The following AGAP1 variants were observed in gnomAD, a reference collection of about 807,000 sequenced individuals.
The protein encoded by AGAP1 is ArfGAP with GTPase domain, ankyrin repeat and PH domain 1.
AGAP1 carries 29 observed loss-of-function variants against 105.3 expected under a neutral mutation model. That is an observed-to-expected ratio of 0.28 (90% CI 0.21 to 0.38). The LOEUF (loss-of-function observed/expected upper bound fraction) is 0.38, where lower values mean the gene tolerates loss of function less well. Ranked by LOEUF, AGAP1 falls within the 10% of genes least tolerant of loss-of-function variation. The probability of loss-of-function intolerance (pLI) is 1.00; values close to 1 mark genes in which losing one functional copy is unlikely to be tolerated. For missense variants in AGAP1, 998 were observed against 1,165.1 expected, an observed-to-expected ratio of 0.86 and a Z score of 2.09; for synonymous variants, 509 against 485.9, an observed-to-expected ratio of 1.05 and a Z score of -0.63.
At chr2:235,907,618 A>G (rs2051369371) in intron 10 of AGAP1, among the ~76,000 whole-genome samples, 1 of 152,202 alleles carries the variant, frequency 6.6e-6, no homozygotes, top group East Asian at 1.9e-4. Flanking sequence ...TTTTTCCAAG[A>G]GTAATTTTCA....
chr2:235,860,186 G>C (rs2048869586), intron 9 of AGAP1, among the ~76,000 whole-genome samples: 1 of 152,154 alleles, frequency 6.6e-6, no homozygotes, highest in Non-Finnish European at 1.5e-5. Context: ...ACAAAGGAAA[G>C]GGCATACCAG....
intron 9 of AGAP1, among the ~76,000 whole-genome samples, chr2:235,809,398 C>G (rs1396571156): frequency 6.6e-6 from 1 of 152,100 alleles, no homozygotes; most frequent in African/African-American, 2.4e-5. Context: ...AGCTCCTTGT[C>G]CCTCCTAATT....
At position 236,001,680 on chromosome 2, in the gene AGAP1, G is replaced by T; in HGVS notation, c.1645+33057G>T. 6.6e-6 allele frequency among the ~76,000 whole-genome samples: 1 copy of T among 152,136 alleles called. No individual in the cohort carries two copies. Among genetic ancestry groups the T allele is most frequent in the East Asian group, 1.9e-4 (1 of 5,172 alleles). On this transcript the variant is annotated intron_variant, in intron 13 of 17. Coordinates refer to ENST00000304032, the MANE Select transcript of AGAP1 (RefSeq NM_001037131.3). This position sits in a 1 kb window ranked among gnomAD's most constrained non-coding sequence, Gnocchi z 4.7. ...TAGAACGTCACATCCTGGAGGGGCG[G>T]GGATTTCCCCTTTTGTTTTGTTTCT...
chr2:235,778,289 T>C (rs575243948), intron 6 of AGAP1, among the ~76,000 whole-genome samples: 1 of 152,230 alleles, frequency 6.6e-6, no homozygotes, highest in Non-Finnish European at 1.5e-5. Flanking sequence ...GGTTTCCTTC[T>C]GCACTTTCCA....
Position 236,046,515 on chromosome 2 carries a change from CT to C in AGAP1, c.1892-2543del, listed in dbSNP as rs2057722126. ...ATGATGGAAGAATTAAGGTGGACCC[CT>C]GGGGTCCCAGCTTGAATAGCTGGGA... On this transcript the variant is annotated intron_variant, in intron 15 of 17. Transcript: ENST00000304032. The surrounding 1 kb of genome is among the most constrained non-coding windows in gnomAD (Gnocchi z 5.2). Among the ~76,000 whole-genome samples, 1 of 152,122 alleles carries C rather than the reference CT, an allele frequency of 6.6e-6. No homozygotes were observed. Among genetic ancestry groups the C allele is most frequent in the Admixed American group, 6.5e-5 (1 of 15,276 alleles).
At chr2:235,848,942 T>A (rs1961836423) in intron 9 of AGAP1, among the ~76,000 whole-genome samples, 1 of 152,208 alleles carries the variant, frequency 6.6e-6, no homozygotes, top group African/African-American at 2.4e-5. Flanking sequence ...AAGACTGATT[T>A]CCCTGTCCGT....
At chr2:235,839,903 C>CT (rs1491580536) in intron 9 of AGAP1, among the ~76,000 whole-genome samples, 2 of 152,114 alleles carry the variant, frequency 1.3e-5, no homozygotes, top group African/African-American at 4.8e-5. Flanking sequence ...GGATGAGAGA[C>CT]TCTTATAAAG....
intron 1 of AGAP1, among the ~76,000 whole-genome samples, chr2:235,604,193 T>C (rs1416941587): frequency 1.3e-5 from 2 of 152,068 alleles, no homozygotes; most frequent in African/African-American, 4.8e-5. Context: ...AATTGGCATA[T>C]ATAAAAAGAA....
rs1450800335 is a variant in AGAP1 at position 235,741,938 on chromosome 2, A to G, written c.396+890A>G. On this transcript the variant is annotated intron_variant, in intron 4 of 17. Coordinates refer to ENST00000304032, the MANE Select transcript of AGAP1 (RefSeq NM_001037131.3). This position sits in a 1 kb window ranked among gnomAD's most constrained non-coding sequence, Gnocchi z 4.9. ...CTGGCTAATTTTTTGTATTTTTAGT[A>G]GAGATGGAGTTTCACCATGTTAGCC... Among the ~76,000 whole-genome samples the G allele has an allele frequency of 5.3e-5, 8 of 151,834 alleles. No individual in the cohort carries two copies. Among genetic ancestry groups the G allele is most frequent in the Non-Finnish European group, 1.2e-4 (8 of 67,980 alleles).
intron 1 of AGAP1, among the ~76,000 whole-genome samples, chr2:235,703,005 G>GCCACCT (rs944219027): frequency 7.1e-6 from 1 of 140,110 alleles, no homozygotes. Flanking sequence ...TCAGCTCACT[G>GCCACCT]CCACCTCCAC....
chr2:235,498,947 G>A (rs940313233), intron 1 of AGAP1, among the ~76,000 whole-genome samples: 3 of 152,176 alleles, frequency 2.0e-5, no homozygotes, highest in Non-Finnish European at 4.4e-5. Context: ...AGTGTTTGGG[G>A]GACCTGGGAA....
At chr2:235,944,160 G>C (rs1056687780) in intron 12 of AGAP1, among the ~76,000 whole-genome samples, 5 of 152,122 alleles carry the variant, frequency 3.3e-5, no homozygotes, top group Admixed American at 2.0e-4. Context: ...GTATATTTCA[G>C]ATCCTCTTAA....
At chr2:235,947,880 T>C (rs13408501) in intron 12 of AGAP1, among the ~76,000 whole-genome samples, 191 of 152,386 alleles carry the variant, frequency 1.3e-3, no homozygotes, top group African/African-American at 4.3e-3. Flanking sequence ...GGTACTATTA[T>C]CCTCATTTTT....
chr2:236,007,514 C>T (rs2056362672), intron 13 of AGAP1, among the ~76,000 whole-genome samples: 1 of 152,194 alleles, frequency 6.6e-6, no homozygotes, highest in Non-Finnish European at 1.5e-5. Flanking sequence ...GCACAAGCAG[C>T]AGTCATTACA....
At chr2:235,945,931 T>G (rs1575847620) in intron 12 of AGAP1, among the ~76,000 whole-genome samples, 1 of 151,720 alleles carries the variant, frequency 6.6e-6, no homozygotes, top group East Asian at 1.9e-4. Flanking sequence ...TGCCGCACAC[T>G]TTTAAGTGAC....
At chr2:236,102,712 A>G (rs1240360981) in intron 16 of AGAP1, among the ~76,000 whole-genome samples, 6 of 152,066 alleles carry the variant, frequency 3.9e-5, no homozygotes, top group Non-Finnish European at 8.8e-5. Context: ...GGGCTCAGAG[A>G]CACAATGAGA....
At chr2:235,818,142 A>G (rs1958568806) in intron 9 of AGAP1, among the ~76,000 whole-genome samples, 1 of 152,184 alleles carries the variant, frequency 6.6e-6, no homozygotes, top group East Asian at 1.9e-4. Flanking sequence ...ATCGTGTGAG[A>G]CTTGTAATAA....
At chr2:236,064,332 G>A (rs916073607) in intron 16 of AGAP1, among the ~76,000 whole-genome samples, 2 of 152,188 alleles carry the variant, frequency 1.3e-5, no homozygotes, top group African/African-American at 2.4e-5. Context: ...GCTCGCGCCT[G>A]TAATCCCAGC....
intron 14 of AGAP1, among the ~76,000 whole-genome samples, chr2:236,039,160 A>G (rs142930539): frequency 6.6e-6 from 1 of 152,306 alleles, no homozygotes; most frequent in East Asian, 1.9e-4. Context: ...AACACTACAT[A>G]TCAGCCAGAC....
Sources: allele counts gnomAD v4.1 joint callset (sites outside exome capture counted in the v4.1 genomes callset), GRCh38; gene constraint gnomAD v4.1.1; non-coding constraint Gnocchi (gnomAD v3.1); transcripts MANE v1.5; gene names NCBI Gene and HGNC (gene_info 2026-07-23, HGNC 2026-07-21).